RAB28: variants seen among roughly 807,000 people sequenced by gnomAD.
RAB28 encodes ras-related protein Rab-28.
A neutral mutation model predicts 31.7 loss-of-function variants in RAB28; 24 were observed. The ratio of observed to expected loss-of-function variants is 0.76; its 90% CI spans 0.55 to 1.06. The LOEUF (loss-of-function observed/expected upper bound fraction) is 1.06, where lower values mean the gene tolerates loss of function less well. RAB28 is among the 50% of genes least tolerant of loss of function. RAB28 has a pLI of 0.00. For synonymous variants in RAB28, 100 were observed against 90.4 expected, an observed-to-expected ratio of 1.11 and a Z score of -0.60; for missense variants, 254 against 258.5, an observed-to-expected ratio of 0.98 and a Z score of 0.12.
chr4:13,406,204 ATGTG>A (rs1199600214), intron 4 of RAB28, among the ~76,000 whole-genome samples: 1 of 151,904 alleles, frequency 6.6e-6, no homozygotes, highest in East Asian at 1.9e-4. Flanking sequence ...CCCTGTGTCC[ATGTG>A]TTCTTATTGT....
chr4:13,371,703 A>G, intron 6 of RAB28: 1 of 1,523,316 alleles, frequency 6.6e-7, no homozygotes, highest in Non-Finnish European at 8.8e-7. Context: ...TCCATGTCAT[A>G]AACTTCATGG....
intron 4 of RAB28, among the ~76,000 whole-genome samples, chr4:13,415,688 G>A (rs1712730631): frequency 6.6e-6 from 1 of 152,100 alleles, no homozygotes; most frequent in African/African-American, 2.4e-5. Flanking sequence ...GCTCCTGTGT[G>A]GCCCAAGCCT....
chr4:13,390,592 A>C (rs1453959903), intron 4 of RAB28, among the ~76,000 whole-genome samples: 1 of 150,816 alleles, frequency 6.6e-6, no homozygotes, highest in Non-Finnish European at 1.5e-5. Context: ...GAATCAAAAA[A>C]AAAAAAAGCC....
At chr4:13,453,279 T>C (rs1715074988) in intron 4 of RAB28, among the ~76,000 whole-genome samples, 1 of 152,198 alleles carries the variant, frequency 6.6e-6, no homozygotes, top group Admixed American at 6.5e-5. Flanking sequence ...AAAATTATTA[T>C]TGACAGGTGA....
intron 4 of RAB28, among the ~76,000 whole-genome samples, chr4:13,446,284 T>A (rs1225094405): frequency 1.3e-5 from 2 of 152,108 alleles, no homozygotes; most frequent in South Asian, 2.1e-4. Context: ...CAAGCTAGTG[T>A]GGTTCTTAGT....
rs550747029 is a variant in RAB28 at position 13,464,719 on chromosome 4, C to T, written c.262-3891G>A. Among the ~76,000 whole-genome samples the T allele has an allele frequency of 4.6e-5, 7 of 152,210 alleles. No individual in the cohort carries two copies. The South Asian group carries it at 1.5e-3, about 32-fold the overall frequency. Reference sequence around the variant, plus strand: ...AAATGCAGCACAGTGTAAAGCCTCACACTAAAATTCTATTTACCTGAATCT... The same window carrying T: ...AAATGCAGCACAGTGTAAAGCCTCATACTAAAATTCTATTTACCTGAATCT... On this transcript the variant is annotated intron_variant, in intron 3 of 6. Transcript: ENST00000330852.
chr4:13,440,145 T>C (rs935697894), intron 4 of RAB28, among the ~76,000 whole-genome samples: 3 of 152,214 alleles, frequency 2.0e-5, no homozygotes, highest in Admixed American at 6.5e-5. Flanking sequence ...ACAATATGAA[T>C]TTATTGTGTC....
intron 2 of RAB28, among the ~76,000 whole-genome samples, chr4:13,477,645 C>A (rs1455826160): frequency 6.7e-6 from 1 of 148,464 alleles, no homozygotes; most frequent in Admixed American, 6.7e-5. Context: ...AACCAACTGC[C>A]TTAAAAAAAA....
At chr4:13,471,950 T>A (rs16888701) in intron 3 of RAB28, among the ~76,000 whole-genome samples, 8,405 of 151,902 alleles carry the variant, frequency 0.055, 525 homozygotes, top group African/African-American at 0.15. Context: ...TAAAAAATAA[T>A]GAAGACATTT....
At chr4:13,428,744 A>T (rs1459319995) in intron 4 of RAB28, among the ~76,000 whole-genome samples, 3 of 152,232 alleles carry the variant, frequency 2.0e-5, no homozygotes, top group Non-Finnish European at 4.4e-5. Context: ...AGGAAATAAC[A>T]GCCAAAAACT....
chr4:13,398,507 G>A (rs1231790307), intron 4 of RAB28, among the ~76,000 whole-genome samples: 1 of 152,132 alleles, frequency 6.6e-6, no homozygotes, highest in Admixed American at 6.5e-5. Context: ...GGCCGGGCGC[G>A]GTGGCTCACG....
In RAB28 at chr4:13,371,833, C is replaced by CT. The variant is rs759990982; in HGVS notation, c.574-3184dup. 6.8e-5 allele frequency: 106 copies of CT among 1,547,464 alleles called. No homozygotes were observed. The South Asian group carries it at 7.7e-4, about 11-fold the overall frequency. On this transcript the variant is annotated intron_variant, in intron 6 of 6. Transcript: ENST00000330852. Reference sequence around the variant, plus strand: ...GCCACAAAGCACACTCGATTATTCTCTATTAGTTGATGAAATGAAAATAAT... The same window carrying CT: ...GCCACAAAGCACACTCGATTATTCTCTTATTAGTTGATGAAATGAAAATAAT...
intron 6 of RAB28, chr4:13,370,499 A>C: frequency 1.3e-6 from 1 of 790,106 alleles, no homozygotes; most frequent in Non-Finnish European, 1.5e-6. Flanking sequence ...CACATATACA[A>C]CTAATTGCCA....
At chr4:13,469,797 T>C (rs1716034312) in intron 3 of RAB28, among the ~76,000 whole-genome samples, 1 of 151,960 alleles carries the variant, frequency 6.6e-6, no homozygotes, top group Non-Finnish European at 1.5e-5. Flanking sequence ...CAAATAATCC[T>C]CCCATCTCAG....
chr4:13,443,209 C>G (rs1295301345), intron 4 of RAB28, among the ~76,000 whole-genome samples: 2 of 150,970 alleles, frequency 1.3e-5, no homozygotes, highest in African/African-American at 4.9e-5. Flanking sequence ...GAGTCTCCTT[C>G]TATCACCAGG....
intron 6 of RAB28, chr4:13,371,575 A>T (rs1405691361): frequency 1.6e-5 from 16 of 985,198 alleles, no homozygotes; most frequent in Non-Finnish European, 1.9e-5. Flanking sequence ...AGACAGCATC[A>T]TTCTCAGGGG....
At chr4:13,456,286 G>A (rs73819872) in intron 4 of RAB28, among the ~76,000 whole-genome samples, 4,316 of 152,188 alleles carry the variant, frequency 0.028, 191 homozygotes, top group African/African-American at 0.098. Flanking sequence ...TTTTCTCCAG[G>A]AAAGTTTCAC....
intron 3 of RAB28, among the ~76,000 whole-genome samples, chr4:13,468,387 C>T (rs1380697437): frequency 1.3e-5 from 2 of 151,948 alleles, no homozygotes; most frequent in Non-Finnish European, 2.9e-5. Context: ...ACACAAACCA[C>T]ATTCTCAAAC....
Position 13,484,095 on chromosome 4 carries a change from C to T in RAB28, c.56G>A (p.Gly19Glu), listed in dbSNP as rs972865044. Residue 19 changes from glycine (G) to glutamate (E), a missense_variant, in exon 1 of 7, where the codon GGG becomes GAG. Transcript: ENST00000330852. ...ACTGACCTTCCCGGAGGCGCCGTCC[C>T]CCAGCACGACGATTTTCAGTTGCCG... ...QDRQLKIVVL[G>E]DGASGKTSLT... 2 of 1,601,884 alleles carry T rather than the reference C, an allele frequency of 1.2e-6. No individual in the cohort carries two copies. The highest frequency in any genetic ancestry group is 1.3e-5 in the African/African-American group (1 of 74,804).
Sources: allele counts gnomAD v4.1 joint callset (sites outside exome capture counted in the v4.1 genomes callset), GRCh38; gene constraint gnomAD v4.1.1; transcripts MANE v1.5; gene names NCBI Gene and HGNC (gene_info 2026-07-23, HGNC 2026-07-21).